IMPG1: variants seen among roughly 807,000 people sequenced by gnomAD.
The protein encoded by IMPG1 is interphotoreceptor matrix proteoglycan 1.
In IMPG1, 85 loss-of-function variants were observed where a neutral mutation model predicts 92.0. That is an observed-to-expected ratio of 0.92 (90% CI 0.78 to 1.11). The LOEUF (loss-of-function observed/expected upper bound fraction) is 1.11, where lower values mean the gene tolerates loss of function less well. IMPG1 is among the 50% of genes least tolerant of loss of function. The pLI, the probability that IMPG1 is intolerant of heterozygous loss-of-function variation, is 0.00. For missense variants in IMPG1, 1,022 were observed against 956.0 expected (o/e 1.07, Z -0.91); for synonymous variants, 367 against 334.1 (o/e 1.10, Z -1.08).
Position 75,921,209 on chromosome 6 carries a change from T to C in IMPG1, c.*880A>G, listed in dbSNP as rs1451273943. ...AGAGATAGAGACAGATTCATTTTCA[T>C]TAAGCAGCACATAAAAAATGGACTG... On this transcript the variant is annotated 3_prime_UTR_variant, in exon 17 of 17. Transcript: ENST00000369950. 6.6e-6 allele frequency: 1 copy of C among 152,196 alleles called. No homozygotes were observed. Among genetic ancestry groups the C allele is most frequent in the East Asian group, 1.9e-4 (1 of 5,204 alleles). The allele number at this position is 152,196 out of a possible 1,614,324, so 9.4% of individuals were successfully genotyped here. A position where few individuals can be genotyped will look rare whatever the true frequency, so the allele number is the denominator to read the frequency against.
At chr6:76,016,801 C>G (rs898588173) in intron 7 of IMPG1, among the ~76,000 whole-genome samples, 3 of 152,132 alleles carry the variant, frequency 2.0e-5, no homozygotes, top group African/African-American at 7.2e-5. Context: ...GAGTAGTTAA[C>G]TGCATCCCAA....
intron 12 of IMPG1, among the ~76,000 whole-genome samples, chr6:75,964,211 G>C (rs1253262326): frequency 6.6e-6 from 1 of 152,194 alleles, no homozygotes; most frequent in African/African-American, 2.4e-5. Flanking sequence ...AAAGCACGAA[G>C]AGAAGGCTAA....
intron 1 of IMPG1, among the ~76,000 whole-genome samples, chr6:76,060,421 A>T (rs529054943): frequency 6.6e-6 from 1 of 152,302 alleles, no homozygotes; most frequent in South Asian, 2.1e-4. Context: ...GCTTGACAGC[A>T]GCATTTCCAT....
At chr6:75,930,822 G>T in intron 15 of IMPG1, 131 bp downstream of exon 15, 1 of 804,008 alleles carries the variant, frequency 1.2e-6, no homozygotes, top group Non-Finnish European at 2.0e-6. Flanking sequence ...CCTTTTCTGG[G>T]TGATTTCTAC....
At chr6:75,944,303 G>A (rs777407895) in intron 14 of IMPG1, among the ~76,000 whole-genome samples, 2 of 152,120 alleles carry the variant, frequency 1.3e-5, no homozygotes, top group Admixed American at 6.6e-5. Flanking sequence ...CTTTGAGGGC[G>A]GTTTAGCACA....
intron 13 of IMPG1, among the ~76,000 whole-genome samples, chr6:75,949,348 T>C (rs564147845): frequency 6.6e-6 from 1 of 152,214 alleles, no homozygotes; most frequent in Non-Finnish European, 1.5e-5. Flanking sequence ...GAGAGTGACC[T>C]CTGGTCGTCC....
At position 75,963,864 on chromosome 6, in the gene IMPG1, G is replaced by C. The variant is rs568944538; in HGVS notation, c.1292-12770C>G. On this transcript the variant is annotated intron_variant, in intron 12 of 16. Coordinates refer to ENST00000369950, the MANE Select transcript of IMPG1 (RefSeq NM_001563.4). ...ACTCCCTGGAATACCAACTCAAAAG[G>C]CTGGCCTTTATCTTTCCTAACTAGG... Among the ~76,000 whole-genome samples the C allele has an allele frequency of 5.9e-5, 9 of 152,236 alleles. No individual in the cohort carries two copies. The South Asian group carries it at 1.0e-3, about 18-fold the overall frequency.
chr6:75,991,667 C>T (rs774157416), intron 12 of IMPG1, among the ~76,000 whole-genome samples: 1 of 152,130 alleles, frequency 6.6e-6, no homozygotes, highest in Non-Finnish European at 1.5e-5. Flanking sequence ...ATTTCCTGTC[C>T]TCTCTTCTTC....
intron 1 of IMPG1, among the ~76,000 whole-genome samples, chr6:76,049,440 C>T (rs147125578): frequency 2.4e-4 from 36 of 152,200 alleles, no homozygotes; most frequent in South Asian, 1.2e-3. Flanking sequence ...GCATAGATAC[C>T]AATACCTGCC....
chr6:76,030,715 C>T (rs1220250496), intron 4 of IMPG1, among the ~76,000 whole-genome samples: 1 of 152,190 alleles, frequency 6.6e-6, no homozygotes, highest in Non-Finnish European at 1.5e-5. Context: ...TTAAATAGGC[C>T]TCTGAGGAAG....
At chr6:76,016,171 ATCT>A (rs1286278582) in intron 7 of IMPG1, among the ~76,000 whole-genome samples, 1 of 152,258 alleles carries the variant, frequency 6.6e-6, no homozygotes, top group South Asian at 2.1e-4. Flanking sequence ...CTCTGAGGTC[ATCT>A]TCTACAATTT....
At chr6:75,923,962 C>G (rs987630438) in intron 15 of IMPG1, among the ~76,000 whole-genome samples, 4 of 152,076 alleles carry the variant, frequency 2.6e-5, no homozygotes, top group Non-Finnish European at 4.4e-5. Flanking sequence ...AGATTTATTT[C>G]TCAAGTCAAG....
intron 12 of IMPG1, among the ~76,000 whole-genome samples, chr6:75,985,551 A>C (rs1782702582): frequency 6.6e-6 from 1 of 152,256 alleles, no homozygotes; most frequent in Non-Finnish European, 1.5e-5. Context: ...AATACATGAA[A>C]AAAATTAATA....
intron 8 of IMPG1, among the ~76,000 whole-genome samples, chr6:76,008,290 C>T (rs7752294): frequency 0.085 from 12,874 of 152,194 alleles, 711 homozygotes; most frequent in South Asian, 0.12. Context: ...ACCATTTAGT[C>T]ACCAAACTGA....
intron 12 of IMPG1, among the ~76,000 whole-genome samples, chr6:75,988,340 T>C (rs1344924535): frequency 6.6e-6 from 1 of 152,184 alleles, no homozygotes; most frequent in Non-Finnish European, 1.5e-5. Flanking sequence ...GATATCTCAT[T>C]GTTGCTTTGA....
chr6:76,015,867 A>ATAG (rs1188715690), intron 7 of IMPG1, among the ~76,000 whole-genome samples: 1 of 151,904 alleles, frequency 6.6e-6, no homozygotes, highest in East Asian at 1.9e-4. Context: ...TGATGATACA[A>ATAG]TAGTCCCTTC....
intron 1 of IMPG1, among the ~76,000 whole-genome samples, chr6:76,055,589 T>C (rs558644509): frequency 6.6e-6 from 1 of 151,088 alleles, no homozygotes; most frequent in Non-Finnish European, 1.5e-5. Context: ...TAAATATAAA[T>C]GAAAAAAAGA....
intron 12 of IMPG1, among the ~76,000 whole-genome samples, chr6:75,974,451 T>TCCTTCCTTCCTTCCTTC (rs1224036118): frequency 7.5e-6 from 1 of 133,148 alleles, no homozygotes; most frequent in East Asian, 2.2e-4. Flanking sequence ...CTTCCTTCCT[T>TCCTTCCTTCCTTCCTTC]CTTTCTTCTT....
At chr6:75,934,202 T>G (rs1296569099) in intron 14 of IMPG1, among the ~76,000 whole-genome samples, 3 of 152,198 alleles carry the variant, frequency 2.0e-5, no homozygotes, top group Non-Finnish European at 2.9e-5. Flanking sequence ...TCAAATCCAT[T>G]GTCTGCTGCA....
Sources: allele counts gnomAD v4.1 joint callset (sites outside exome capture counted in the v4.1 genomes callset), GRCh38; gene constraint gnomAD v4.1.1; transcripts MANE v1.5; gene names NCBI Gene and HGNC (gene_info 2026-07-23, HGNC 2026-07-21).